MAPT: variants seen among roughly 807,000 people sequenced by gnomAD.
MAPT encodes microtubule-associated protein tau.
MAPT carries 34 observed loss-of-function variants against 67.9 expected under a neutral mutation model. That is an observed-to-expected ratio of 0.50 (90% CI 0.38 to 0.67). The LOEUF is 0.67. Ranked by LOEUF, MAPT falls within the 30% of genes least tolerant of loss-of-function variation. MAPT has a pLI of 0.00. For missense variants in MAPT, 881 were observed against 1,115.2 expected (o/e 0.79, Z 2.99); for synonymous variants, 456 against 464.5 (o/e 0.98, Z 0.23).
At chr17:45,946,698 C>T (rs1316112747) in intron 1 of MAPT, among the ~76,000 whole-genome samples, 5 of 147,428 alleles carry the variant, frequency 3.4e-5, no homozygotes, top group African/African-American at 1.3e-4. Context: ...GCCATCCAAG[C>T]ATGACAGATT....
chr17:45,902,267 C>T (rs997429531), intron 1 of MAPT, among the ~76,000 whole-genome samples: 5 of 152,112 alleles, frequency 3.3e-5, no homozygotes, highest in Non-Finnish European at 7.4e-5. Flanking sequence ...GATGGGGTAT[C>T]GCCATGTTGG....
intron 10 of MAPT, 134 bp from the exon 11 acceptor site, chr17:46,014,109 A>G: frequency 2.9e-6 from 2 of 699,942 alleles, no homozygotes; most frequent in Non-Finnish European, 5.2e-6. Flanking sequence ...ACTGTCCAAT[A>G]AGGGCCTGGG....
At chr17:45,997,470 A>T (rs1041999961) in intron 9 of MAPT, among the ~76,000 whole-genome samples, 1 of 152,194 alleles carries the variant, frequency 6.6e-6, no homozygotes, top group Admixed American at 6.5e-5. Context: ...TTATAAGAAC[A>T]CCATGGCAGC....
intron 1 of MAPT, among the ~76,000 whole-genome samples, chr17:45,905,047 TTTCCCTATGAGCAGGGGAAA>T (rs1327032396): frequency 3.9e-5 from 6 of 152,170 alleles, no homozygotes; most frequent in Admixed American, 3.9e-4. Context: ...TGTCTTGTCT[TTTCCCTATGAGCAGGGGAAA>T]TTCCACGCTG....
rs1201166398 is a variant in MAPT, at chr17:45,983,821, C to T, written c.1242C>T (p.Gly414=). Residue 414 remains glycine (G), a synonymous_variant, in exon 5 of 13, where the codon GGC becomes GGT. Coordinates refer to ENST00000262410, the MANE Select transcript of MAPT (RefSeq NM_001377265.1). ...GAPGEGPEAR[G]PSLGEDTKEA... ...CTGGAGAGGGGCCAGAGGCCCGGGGCCCCTCTTTGGGAGAGGACACAAAAG... is the reference window on the plus strand; with the variant it reads ...CTGGAGAGGGGCCAGAGGCCCGGGGTCCCTCTTTGGGAGAGGACACAAAAG... 1 of 1,612,910 alleles carries T rather than the reference C, an allele frequency of 6.2e-7. No individual in the cohort carries two copies. Among genetic ancestry groups the T allele is most frequent in the Non-Finnish European group, 8.5e-7 (1 of 1,179,902 alleles).
intron 1 of MAPT, among the ~76,000 whole-genome samples, chr17:45,920,962 C>T (rs1467969): frequency 0.14 from 21,851 of 152,206 alleles, 2,147 homozygotes; most frequent in Middle Eastern, 0.22. Context: ...TAGTGGCAAA[C>T]GTATGCATCT....
At chr17:45,934,226 G>T (rs2067121713) in intron 1 of MAPT, among the ~76,000 whole-genome samples, 1 of 152,108 alleles carries the variant, frequency 6.6e-6, no homozygotes, top group African/African-American at 2.4e-5. Flanking sequence ...TGTAGTCTTA[G>T]CTACTTGGGA....
chr17:45,904,794 A>G (rs959441720), intron 1 of MAPT, among the ~76,000 whole-genome samples: 27 of 152,214 alleles, frequency 1.8e-4, no homozygotes, highest in African/African-American at 5.3e-4. Flanking sequence ...GGGCTTGCCA[A>G]AAACCCGAAC....
chr17:45,955,541 G>A (rs765178107), intron 1 of MAPT, among the ~76,000 whole-genome samples: 6 of 152,178 alleles, frequency 3.9e-5, no homozygotes, highest in African/African-American at 7.2e-5. Context: ...AGCAGCCAGC[G>A]TGTCCAGTGG....
chr17:45,928,916 T>A (rs1014494425), intron 1 of MAPT, among the ~76,000 whole-genome samples: 2 of 152,262 alleles, frequency 1.3e-5, no homozygotes, highest in South Asian at 4.1e-4. Context: ...CAGGATGGTC[T>A]CGATCTCCTG....
At chr17:45,928,122 A>G (rs927433411) in intron 1 of MAPT, among the ~76,000 whole-genome samples, 1 of 151,694 alleles carries the variant, frequency 6.6e-6, no homozygotes, top group Admixed American at 6.6e-5. Flanking sequence ...TACTCTAACC[A>G]GTTGTCTCAG....
rs1292229038 is a variant in MAPT, at chr17:45,904,011, TA to T, written c.-18+9326del. Among the ~76,000 whole-genome samples the T allele has an allele frequency of 4.8e-3, 121 of 25,430 alleles. 3 individuals are homozygous for T. The highest frequency in any genetic ancestry group is 7.3e-3 in the Non-Finnish European group (101 of 13,870). 16.7% of individuals were successfully genotyped at this position (25,430 alleles called of 152,430 possible). A position where few individuals can be genotyped will look rare whatever the true frequency, so the allele number is the denominator to read the frequency against. ...ATTTATATATATTATATATTATATA[TA>T]TTATATATTATATATTTATATATTA... On this transcript the variant is annotated intron_variant, in intron 1 of 12. Coordinates refer to ENST00000262410, the MANE Select transcript of MAPT (RefSeq NM_001377265.1).
intron 1 of MAPT, among the ~76,000 whole-genome samples, chr17:45,912,270 G>A (rs547326256): frequency 6.6e-6 from 1 of 152,354 alleles, no homozygotes; most frequent in South Asian, 2.1e-4. Flanking sequence ...AAGATATCAG[G>A]TCCTAATCTC....
rs115186259 is a variant in MAPT at position 45,906,776 on chromosome 17, C to T, written c.-18+12090C>T. On this transcript the variant is annotated intron_variant, in intron 1 of 12. Coordinates refer to ENST00000262410, the MANE Select transcript of MAPT (RefSeq NM_001377265.1). The surrounding 1 kb of genome is among the most constrained non-coding windows in gnomAD (Gnocchi z 4.3). Reference sequence around the variant, plus strand: ...TGTGCACTTCGGTCACTGGAATTTGCCATCTTCCAGTCCCGAATGTGGCAA... The same window carrying T: ...TGTGCACTTCGGTCACTGGAATTTGTCATCTTCCAGTCCCGAATGTGGCAA... Among the ~76,000 whole-genome samples, 266 of 152,198 alleles carry T rather than the reference C, an allele frequency of 1.7e-3. 1 individual carries two copies. Among genetic ancestry groups the T allele is most frequent in the African/African-American group, 6.0e-3 (248 of 41,512 alleles).
chr17:45,992,614 C>T (rs967247843), intron 8 of MAPT, among the ~76,000 whole-genome samples: 4 of 152,052 alleles, frequency 2.6e-5, no homozygotes, highest in Non-Finnish European at 5.9e-5. Flanking sequence ...CGCGGCTGGG[C>T]GTGGTGGCTC....
intron 3 of MAPT, chr17:45,975,121 A>G (rs973719565): frequency 4.6e-5 from 7 of 152,516 alleles, no homozygotes; most frequent in African/African-American, 1.7e-4. Context: ...ACCAGGCCCT[A>G]GGAAACGCCT....
chr17:45,949,183 G>T lies in MAPT; in HGVS notation c.-17-13138G>T, dbSNP rs565341342. Among the ~76,000 whole-genome samples the T allele has an allele frequency of 9.2e-5, 14 of 152,364 alleles. No individual in the cohort carries two copies. In the East Asian group the frequency reaches 2.3e-3, roughly 25 times the overall value. Reference sequence around the variant, plus strand: ...GAACCGCGGGCCAGGGGGCGATTCTGCTGAGTCACCGCGGGCGCCTGGTGC... The same window carrying T: ...GAACCGCGGGCCAGGGGGCGATTCTTCTGAGTCACCGCGGGCGCCTGGTGC... On this transcript the variant is annotated intron_variant, in intron 1 of 12. Coordinates refer to ENST00000262410, the MANE Select transcript of MAPT (RefSeq NM_001377265.1).
chr17:46,014,365 G>C (rs765624783), intron 11 of MAPT, 41 bp downstream of exon 11: 3 of 1,405,286 alleles, frequency 2.1e-6, no homozygotes, highest in Non-Finnish European at 3.0e-6. Flanking sequence ...GGAGGGTGCA[G>C]GGGGTGGAGG....
chr17:46,003,439 T>C (rs1178786070), intron 9 of MAPT, among the ~76,000 whole-genome samples: 9 of 151,962 alleles, frequency 5.9e-5, no homozygotes, highest in Admixed American at 4.6e-4. Flanking sequence ...CCACCATGCC[T>C]AGCAAATTTT....
Sources: gnomAD v4.1 joint callset for allele counts (sites outside exome capture counted in the v4.1 genomes callset) on GRCh38, gnomAD v4.1.1 for gene constraint, Gnocchi (gnomAD v3.1) non-coding constraint, MANE v1.5 for transcripts, NCBI Gene and HGNC (gene_info 2026-07-23, HGNC 2026-07-21) for gene names.